Variants in IGSF21 observed in about 807,000 individuals in gnomAD.
The protein encoded by IGSF21 is immunoglobulin superfamily member 21.
Under a neutral mutation model 46.8 loss-of-function variants are expected in IGSF21, and 28 were observed. That is an observed-to-expected ratio of 0.60 (90% confidence interval 0.44 to 0.82). The LOEUF (loss-of-function observed/expected upper bound fraction) is 0.82, where lower values mean the gene tolerates loss of function less well. Among genes scored for constraint, IGSF21 ranks in the 40% least tolerant of loss-of-function variants. IGSF21 has a pLI of 0.00. For synonymous variants in IGSF21, 284 were observed against 273.6 expected, an observed-to-expected ratio of 1.04 and a Z score of -0.38; for missense variants, 624 against 665.5, an observed-to-expected ratio of 0.94 and a Z score of 0.69.
intron 3 of IGSF21, among the ~76,000 whole-genome samples, chr1:18,298,223 C>T (rs1054274969): frequency 3.9e-5 from 6 of 152,104 alleles, no homozygotes; most frequent in Admixed American, 6.5e-5. Context: ...CTCTGATATG[C>T]GGTTTGTCAA....
intron 1 of IGSF21, among the ~76,000 whole-genome samples, chr1:18,155,891 C>T (rs1460779469): frequency 1.3e-5 from 2 of 152,190 alleles, no homozygotes; most frequent in Non-Finnish European, 2.9e-5. Context: ...GAAGTGTGGT[C>T]GGTCAGGAGG....
At chr1:18,346,207 G>A (rs2085891623) in intron 4 of IGSF21, among the ~76,000 whole-genome samples, 1 of 152,132 alleles carries the variant, frequency 6.6e-6, no homozygotes. Flanking sequence ...GACATCTGTG[G>A]CCTCCCACCC....
intron 4 of IGSF21, among the ~76,000 whole-genome samples, chr1:18,360,653 A>G (rs1447434435): frequency 6.6e-6 from 1 of 152,166 alleles, no homozygotes; most frequent in African/African-American, 2.4e-5. Flanking sequence ...GGCTGGGTAA[A>G]TCAGAACTGA....
chr1:18,114,086 C>G (rs1257282135), intron 1 of IGSF21: 2 of 152,178 alleles, frequency 1.3e-5, no homozygotes, highest in Admixed American at 1.3e-4. Flanking sequence ...CTTGGAGTTG[C>G]CAGTCAGTGC....
intron 4 of IGSF21, among the ~76,000 whole-genome samples, chr1:18,358,466 G>A (rs1393894525): frequency 6.6e-6 from 1 of 152,208 alleles, no homozygotes; most frequent in Non-Finnish European, 1.5e-5. Flanking sequence ...ATGTGAACTT[G>A]AACAAACCAC....
intron 2 of IGSF21, among the ~76,000 whole-genome samples, chr1:18,269,459 G>A (rs192262414): frequency 2.6e-5 from 4 of 152,260 alleles, no homozygotes; most frequent in East Asian, 1.9e-4. Flanking sequence ...ACGTTTACAA[G>A]GAAAAGCTTA....
chr1:18,135,152 C>T (rs114578838), intron 1 of IGSF21, among the ~76,000 whole-genome samples: 147 of 152,344 alleles, frequency 9.6e-4, no homozygotes, highest in African/African-American at 3.4e-3. Flanking sequence ...GGGGCAGGCT[C>T]TGCCCAAGAT....
At chr1:18,325,734 G>A (rs1048053373) in intron 3 of IGSF21, among the ~76,000 whole-genome samples, 5 of 152,226 alleles carry the variant, frequency 3.3e-5, no homozygotes, top group Non-Finnish European at 7.3e-5. Flanking sequence ...GGTCTAGGGA[G>A]GCCCTTTCCT....
intron 1 of IGSF21, among the ~76,000 whole-genome samples, chr1:18,161,917 CTCTGTTTTCTCA>C (rs1200640739): frequency 6.6e-6 from 1 of 152,122 alleles, no homozygotes; most frequent in Non-Finnish European, 1.5e-5. Context: ...GTCTCTGAGC[CTCTGTTTTCTCA>C]TCTGCAAAAG....
chr1:18,277,414 C>T (rs74056581), intron 2 of IGSF21, among the ~76,000 whole-genome samples: 10 of 152,214 alleles, frequency 6.6e-5, no homozygotes, highest in Admixed American at 6.5e-5. Flanking sequence ...CAAACTCCCC[C>T]GCCCTAGCTG....
chr1:18,316,534 T>G (rs2085544909), intron 3 of IGSF21, among the ~76,000 whole-genome samples: 1 of 152,178 alleles, frequency 6.6e-6, no homozygotes, highest in Non-Finnish European at 1.5e-5. Context: ...TGCAAGCCCC[T>G]GCCCCCGTAT....
chr1:18,220,984 A>T (rs139630225), intron 1 of IGSF21, among the ~76,000 whole-genome samples: 1 of 152,266 alleles, frequency 6.6e-6, no homozygotes, highest in Non-Finnish European at 1.5e-5. Context: ...CCCTAAAGAA[A>T]GCCAGGGGCG....
intron 2 of IGSF21, among the ~76,000 whole-genome samples, chr1:18,246,273 G>A (rs2084782533): frequency 6.6e-6 from 1 of 151,956 alleles, no homozygotes; most frequent in Admixed American, 6.6e-5. Context: ...TGCCCAGTGG[G>A]CCCCCCTCAC....
chr1:18,312,687 A>G (rs2085501031), intron 3 of IGSF21, among the ~76,000 whole-genome samples: 2 of 152,146 alleles, frequency 1.3e-5, no homozygotes, highest in Admixed American at 1.3e-4. Flanking sequence ...CAATAAGGAC[A>G]TTTGTGATTA....
At chr1:18,206,135 G>C (rs1004125519) in intron 1 of IGSF21, among the ~76,000 whole-genome samples, 6 of 152,250 alleles carry the variant, frequency 3.9e-5, no homozygotes, top group Non-Finnish European at 8.8e-5. Flanking sequence ...AGGATAGAGA[G>C]AGAGGTTAGC....
chr1:18,261,312 A>T (rs891533506), intron 2 of IGSF21, among the ~76,000 whole-genome samples: 4 of 152,210 alleles, frequency 2.6e-5, no homozygotes, highest in Non-Finnish European at 4.4e-5. Flanking sequence ...CAGGGGTCTT[A>T]GGTAGGAGGT....
chr1:18,112,822 A>AT (rs1388175476), intron 1 of IGSF21: 5 of 152,264 alleles, frequency 3.3e-5, no homozygotes, highest in Admixed American at 2.6e-4. Flanking sequence ...ATGAATAGGC[A>AT]TCTGCTGTGG....
intron 1 of IGSF21, among the ~76,000 whole-genome samples, chr1:18,214,030 G>T (rs935153025): frequency 6.6e-6 from 1 of 152,092 alleles, no homozygotes; most frequent in African/African-American, 2.4e-5. Flanking sequence ...TCTACAAAGG[G>T]CCATAGAACA....
chr1:18,260,180 G>C (rs1286142250), intron 2 of IGSF21, among the ~76,000 whole-genome samples: 1 of 152,256 alleles, frequency 6.6e-6, no homozygotes, highest in African/African-American at 2.4e-5. Context: ...GATGTGGAGA[G>C]GGGCAAACAG....
Sources: allele counts gnomAD v4.1 joint callset (sites outside exome capture counted in the v4.1 genomes callset), GRCh38; gene constraint gnomAD v4.1.1; transcripts MANE v1.5; gene names NCBI Gene and HGNC (gene_info 2026-07-23, HGNC 2026-07-21).